ASIC2: variants seen among roughly 807,000 people sequenced by gnomAD.
ASIC2 encodes the protein acid-sensing ion channel 2.
Under a neutral mutation model 57.3 loss-of-function variants are expected in ASIC2, and 25 were observed. The ratio of observed to expected loss-of-function variants is 0.44; its 90% CI spans 0.32 to 0.61. The LOEUF is 0.61. Ranked by LOEUF, ASIC2 falls within the 20% of genes least tolerant of loss-of-function variation. The pLI is 0.06. For missense variants in ASIC2, 641 were observed against 738.1 expected (o/e 0.87, Z 1.52); for synonymous variants, 319 against 307.5 (o/e 1.04, Z -0.39).
At position 33,182,154 on chromosome 17, in the gene ASIC2, G is replaced by A. The variant is rs1032702253; in HGVS notation, c.709-70087C>T. Among the ~76,000 whole-genome samples, 9 of 152,126 alleles carry A rather than the reference G, an allele frequency of 5.9e-5. No homozygotes were observed. The South Asian group carries it at 6.2e-4, about 11-fold the overall frequency. On this transcript the variant is annotated intron_variant, in intron 1 of 9. Coordinates refer to ENST00000225823, the MANE Select transcript of ASIC2 (RefSeq NM_183377.2). ...TATTGCAATAATCTAGGGATGATAC[G>A]GTGACAGCCTGGAGCAGGGAGGCAG... is the stretch of plus-strand genomic sequence containing the variant.
At chr17:34,050,630 C>T (rs540760934) in intron 1 of ASIC2, among the ~76,000 whole-genome samples, 1 of 152,284 alleles carries the variant, frequency 6.6e-6, no homozygotes, top group Admixed American at 6.5e-5. Context: ...AAAAGACCTT[C>T]ATTGAACATC....
intron 1 of ASIC2, among the ~76,000 whole-genome samples, chr17:33,117,040 A>G (rs891487318): frequency 1.3e-5 from 2 of 151,902 alleles, no homozygotes; most frequent in African/African-American, 4.8e-5. Context: ...CTTTGTGGAG[A>G]TGAGGGTTTC....
intron 1 of ASIC2, among the ~76,000 whole-genome samples, chr17:33,804,145 T>A (rs1044391861): frequency 6.6e-5 from 10 of 152,184 alleles, no homozygotes; most frequent in Non-Finnish European, 2.9e-5. Context: ...TCCCCTAAGA[T>A]CTAAATAAAC....
At chr17:33,154,266 C>T (rs1164722732) in intron 1 of ASIC2, among the ~76,000 whole-genome samples, 1 of 152,184 alleles carries the variant, frequency 6.6e-6, no homozygotes, top group East Asian at 1.9e-4. Flanking sequence ...TTACTGCAAC[C>T]TCAAACTCCT....
chr17:33,934,927 C>T (rs1916026900), intron 1 of ASIC2, among the ~76,000 whole-genome samples: 2 of 152,324 alleles, frequency 1.3e-5, no homozygotes, highest in Middle Eastern at 3.4e-3. Flanking sequence ...TCTGCCACCC[C>T]ATTCTCCACT....
intron 1 of ASIC2, among the ~76,000 whole-genome samples, chr17:34,058,157 T>A (rs1908838636): frequency 6.6e-6 from 1 of 152,244 alleles, no homozygotes. Context: ...TCATCTCTTT[T>A]TACATTTTAC....
chr17:34,115,720 C>T (rs941540598), intron 1 of ASIC2, among the ~76,000 whole-genome samples: 5 of 152,146 alleles, frequency 3.3e-5, no homozygotes, highest in Non-Finnish European at 7.3e-5. Context: ...TATCCCACTT[C>T]CCTCTTCTGG....
chr17:33,464,215 T>C (rs1157640995), intron 1 of ASIC2, among the ~76,000 whole-genome samples: 1 of 152,196 alleles, frequency 6.6e-6, no homozygotes, highest in Non-Finnish European at 1.5e-5. Flanking sequence ...GCCTGCTCAG[T>C]GGCTTCTGGT....
At chr17:33,855,769 AT>A (rs1173411498) in intron 1 of ASIC2, among the ~76,000 whole-genome samples, 27 of 152,122 alleles carry the variant, frequency 1.8e-4, no homozygotes, top group Non-Finnish European at 2.9e-4. Flanking sequence ...AAGGGAAGAG[AT>A]GAAAGATTGG....
chr17:34,096,924 T>A (rs1250027866), intron 1 of ASIC2, among the ~76,000 whole-genome samples: 1 of 142,138 alleles, frequency 7.0e-6, no homozygotes, highest in East Asian at 2.1e-4. Flanking sequence ...TGAGAGATCA[T>A]GGTGGCCTCC....
rs1002816872 is a variant in ASIC2 at position 33,247,130 on chromosome 17, T to C, written c.708+44278A>G. On this transcript the variant is annotated intron_variant, in intron 1 of 9. Transcript: ENST00000225823. Reference sequence around the variant, plus strand: ...AGCGTTTATTAAGGTTTCATTACATTTGAAAATAATGTGTGAGCCACATTC... The same window carrying C: ...AGCGTTTATTAAGGTTTCATTACATCTGAAAATAATGTGTGAGCCACATTC... Among the ~76,000 whole-genome samples, 38 of 152,338 alleles carry C rather than the reference T, an allele frequency of 2.5e-4. No homozygotes were observed. The East Asian group carries it at 7.3e-3, about 29-fold the overall frequency.
rs117252789 is a variant in ASIC2 at position 33,778,710 on chromosome 17, G to T, written c.555+377268C>A. On this transcript the variant is annotated intron_variant, in intron 1 of 9. Transcript: ENST00000359872. ...ATTGGGCAAGTGACTCAACCTCTCT[G>T]AGCCTCGACGTCCTCTCCAAGATAA... Among the ~76,000 whole-genome samples the T allele has an allele frequency of 2.4e-3, 363 of 152,258 alleles. 3 individuals are homozygous for T. In the East Asian group the frequency reaches 0.028, roughly 12 times the overall value.
At position 33,239,347 on chromosome 17, in the gene ASIC2, T is replaced by G. The variant is rs139363418; in HGVS notation, c.708+52061A>C. On this transcript the variant is annotated intron_variant, in intron 1 of 9. Transcript: ENST00000225823. ...CCTCTCCTAAGAGCCCTGATTAAAA[T>G]TGTAATCCCCCGGCCCCAGAAATCC... Among the ~76,000 whole-genome samples the G allele has an allele frequency of 5.9e-5, 9 of 152,242 alleles. No homozygotes were observed. The East Asian group carries it at 1.7e-3, about 29-fold the overall frequency.
intron 3 of ASIC2, among the ~76,000 whole-genome samples, chr17:33,032,718 G>A (rs991094874): frequency 6.6e-6 from 1 of 152,080 alleles, no homozygotes; most frequent in South Asian, 2.1e-4. Context: ...CAGGTGCTGG[G>A]ATTAGAGGCA....
At chr17:33,434,282 C>T (rs565201001) in intron 1 of ASIC2, among the ~76,000 whole-genome samples, 2 of 152,106 alleles carry the variant, frequency 1.3e-5, no homozygotes, top group Admixed American at 1.3e-4. Flanking sequence ...AAATACTAGA[C>T]ATTATAATTC....
intron 1 of ASIC2, among the ~76,000 whole-genome samples, chr17:33,606,047 T>G (rs1301910580): frequency 6.6e-6 from 1 of 152,164 alleles, no homozygotes; most frequent in Non-Finnish European, 1.5e-5. Flanking sequence ...ATTAAACTTT[T>G]TTGTGCAGGA....
At chr17:33,976,725 A>T (rs982867921) in intron 1 of ASIC2, 1 of 152,164 alleles carries the variant, frequency 6.6e-6, no homozygotes, top group Admixed American at 6.5e-5. Flanking sequence ...TTCTCACTCC[A>T]TCAGGTGGCC....
At chr17:33,933,745 C>A (rs1915995751) in intron 1 of ASIC2, among the ~76,000 whole-genome samples, 1 of 152,230 alleles carries the variant, frequency 6.6e-6, no homozygotes, top group Non-Finnish European at 1.5e-5. Context: ...AAGGAAAGAG[C>A]AGGTGTGAGG....
chr17:33,579,444 G>A (rs979856235), intron 1 of ASIC2, among the ~76,000 whole-genome samples: 6 of 151,968 alleles, frequency 3.9e-5, no homozygotes, highest in African/African-American at 1.2e-4. Flanking sequence ...AGGGCTGCGG[G>A]GTACCCATCC....
Sources: allele counts gnomAD v4.1 joint callset (sites outside exome capture counted in the v4.1 genomes callset), GRCh38; gene constraint gnomAD v4.1.1; transcripts MANE v1.5; gene names NCBI Gene and HGNC (gene_info 2026-07-23, HGNC 2026-07-21).